GRIP1: variants seen among roughly 807,000 people sequenced by gnomAD.
The protein encoded by GRIP1 is glutamate receptor interacting protein 1, also known as glutamate receptor-interacting protein 1.
A neutral mutation model predicts 129.9 loss-of-function variants in GRIP1; 45 were observed. The observed-to-expected ratio is 0.35, with a 90% confidence interval of 0.27 to 0.44. GRIP1 has a LOEUF of 0.44. GRIP1 is among the 20% of genes least tolerant of loss of function. The probability of loss-of-function intolerance (pLI) is 1.00; values close to 1 mark genes in which losing one functional copy is unlikely to be tolerated. For missense variants in GRIP1, 1,196 were observed against 1,396.8 expected (o/e 0.86, Z 2.29); for synonymous variants, 530 against 520.8 (o/e 1.02, Z -0.24).
At chr12:66,541,038 C>A (rs1363265641) in intron 3 of GRIP1, among the ~76,000 whole-genome samples, 1 of 151,906 alleles carries the variant, frequency 6.6e-6, no homozygotes, top group Non-Finnish European at 1.5e-5. Flanking sequence ...TGGTCTCGAA[C>A]TCCTGACCTC....
At chr12:66,668,050 T>A (rs1442830082) in intron 1 of GRIP1, among the ~76,000 whole-genome samples, 1 of 152,180 alleles carries the variant, frequency 6.6e-6, no homozygotes, top group Non-Finnish European at 1.5e-5. Flanking sequence ...CTCCTATTTT[T>A]AGAACTGCCC....
At chr12:66,567,680 TG>T in intron 2 of GRIP1, 1 of 219,050 alleles carries the variant, frequency 4.6e-6, no homozygotes, top group South Asian at 8.1e-5. Context: ...CATTTTCCCC[TG>T]TTGCATATTT....
chr12:66,918,863 T>C (rs1367581681), intron 1 of GRIP1, among the ~76,000 whole-genome samples: 2 of 152,166 alleles, frequency 1.3e-5, no homozygotes, highest in Admixed American at 1.3e-4. Context: ...TTTATGAAAA[T>C]ATAAAATGAA....
At chr12:66,609,574 T>C (rs1181163389) in intron 1 of GRIP1, among the ~76,000 whole-genome samples, 1 of 152,192 alleles carries the variant, frequency 6.6e-6, no homozygotes, top group Non-Finnish European at 1.5e-5. Flanking sequence ...TATTCAGACA[T>C]ATAATTTCCT....
chr12:66,635,797 AAAG>A (rs1162595844), intron 1 of GRIP1, among the ~76,000 whole-genome samples: 40 of 152,358 alleles, frequency 2.6e-4, no homozygotes, highest in African/African-American at 9.6e-4. Flanking sequence ...CATATATTTT[AAAG>A]AAGAGAAAAC....
intron 1 of GRIP1, among the ~76,000 whole-genome samples, chr12:66,602,969 C>G (rs1330426159): frequency 6.7e-6 from 1 of 149,902 alleles, no homozygotes; most frequent in African/African-American, 2.4e-5. Flanking sequence ...AGTGCTCCTC[C>G]CACCTCAGCC....
chr12:66,472,248 A>G (rs1226224295), intron 7 of GRIP1, among the ~76,000 whole-genome samples: 1 of 152,190 alleles, frequency 6.6e-6, no homozygotes, highest in Non-Finnish European at 1.5e-5. Flanking sequence ...CTAACTGCCA[A>G]CTATATGCCA....
intron 1 of GRIP1, among the ~76,000 whole-genome samples, chr12:66,821,946 G>A (rs796745968): frequency 3.9e-5 from 6 of 152,230 alleles, no homozygotes; most frequent in African/African-American, 1.4e-4. Context: ...TAGATGATGA[G>A]CATACCTTGG....
intron 1 of GRIP1, among the ~76,000 whole-genome samples, chr12:67,059,451 A>G (rs913152398): frequency 6.6e-6 from 1 of 152,244 alleles, no homozygotes; most frequent in Non-Finnish European, 1.5e-5. Flanking sequence ...TGAGGGTCAC[A>G]CAATGAATGA....
chr12:66,384,007 C>T (rs962523348), intron 19 of GRIP1, among the ~76,000 whole-genome samples: 3 of 152,088 alleles, frequency 2.0e-5, no homozygotes, highest in African/African-American at 7.2e-5. Context: ...AAAACAGAGC[C>T]GAAATATTTA....
chr12:66,902,525 A>C (rs2040860052), intron 1 of GRIP1, among the ~76,000 whole-genome samples: 1 of 152,086 alleles, frequency 6.6e-6, no homozygotes, highest in African/African-American at 2.4e-5. Context: ...TTCCTCCTAT[A>C]CTCAGTCCTT....
At chr12:66,946,006 C>T (rs2041662952) in intron 1 of GRIP1, among the ~76,000 whole-genome samples, 1 of 152,192 alleles carries the variant, frequency 6.6e-6, no homozygotes, top group Non-Finnish European at 1.5e-5. Context: ...CCTCCCCTTC[C>T]TTCTTCCTGC....
At chr12:66,545,594 T>G (rs950822821) in intron 2 of GRIP1, among the ~76,000 whole-genome samples, 1 of 152,158 alleles carries the variant, frequency 6.6e-6, no homozygotes, top group Non-Finnish European at 1.5e-5. Flanking sequence ...GGATATAAGA[T>G]TAGAATAAAT....
At chr12:66,756,728 T>C (rs1364170404) in intron 1 of GRIP1, among the ~76,000 whole-genome samples, 2 of 152,170 alleles carry the variant, frequency 1.3e-5, no homozygotes, top group Non-Finnish European at 2.9e-5. Context: ...GAGGTAAATT[T>C]CCTTATTGCC....
intron 14 of GRIP1, among the ~76,000 whole-genome samples, chr12:66,432,271 T>C (rs1484535291): frequency 6.6e-6 from 1 of 152,146 alleles, no homozygotes; most frequent in East Asian, 1.9e-4. Context: ...GGTATATAAA[T>C]ATGGATTTTA....
intron 1 of GRIP1, among the ~76,000 whole-genome samples, chr12:66,767,227 A>C (rs1404243481): frequency 6.6e-6 from 1 of 152,152 alleles, no homozygotes; most frequent in African/African-American, 2.4e-5. Context: ...TTTGCCACGA[A>C]GAAGCACCTT....
At chr12:66,969,481 C>T (rs962680504) in intron 1 of GRIP1, among the ~76,000 whole-genome samples, 2 of 152,120 alleles carry the variant, frequency 1.3e-5, no homozygotes, top group Non-Finnish European at 2.9e-5. Context: ...CTAACTGCAG[C>T]CTCCACCTCC....
intron 7 of GRIP1, among the ~76,000 whole-genome samples, chr12:66,502,088 A>T (rs1291763676): frequency 6.6e-6 from 1 of 152,188 alleles, no homozygotes; most frequent in Non-Finnish European, 1.5e-5. Context: ...ACATCAATGA[A>T]AAAAGCAGTG....
At chr12:66,410,854 T>C (rs1220090466) in intron 15 of GRIP1, among the ~76,000 whole-genome samples, 2 of 152,188 alleles carry the variant, frequency 1.3e-5, no homozygotes, top group Non-Finnish European at 2.9e-5. Context: ...AAGAACCTTA[T>C]AGACCACCTG....
Sources: allele counts gnomAD v4.1 joint callset (sites outside exome capture counted in the v4.1 genomes callset), GRCh38; gene constraint gnomAD v4.1.1; transcripts MANE v1.5; gene names NCBI Gene and HGNC (gene_info 2026-07-23, HGNC 2026-07-21).